Variants in CGGBP1 observed in about 807,000 individuals in gnomAD.
CGGBP1 encodes CGG triplet repeat binding protein 1.
A neutral mutation model predicts 11.4 loss-of-function variants in CGGBP1; 4 were observed. That is an observed-to-expected ratio of 0.35 (90% CI 0.17 to 0.80). CGGBP1 has a LOEUF of 0.80. CGGBP1 is among the 30% of genes least tolerant of loss of function. CGGBP1 has a pLI of 0.52. For missense variants in CGGBP1, 135 were observed against 202.1 expected (o/e 0.67, Z 2.01); for synonymous variants, 76 against 74.1 (o/e 1.03, Z -0.13).
At chr3:88,075,267 C>G (rs567519654) in intron 2 of CGGBP1, among the ~76,000 whole-genome samples, 1 of 152,346 alleles carries the variant, frequency 6.6e-6, no homozygotes, top group South Asian at 2.1e-4. Context: ...TGTAACGCTT[C>G]AAGCATAGTC....
chr3:88,057,965 C>T (rs188981463), intron 2 of CGGBP1, 54 bp downstream of exon 2: 2 of 152,322 alleles, frequency 1.3e-5, no homozygotes, highest in Non-Finnish European at 2.9e-5. Flanking sequence ...AAAAGCATAT[C>T]GTTTGCTAGA....
intron 2 of CGGBP1, among the ~76,000 whole-genome samples, chr3:88,132,006 CATT>C (rs1307094604): frequency 4.6e-5 from 7 of 152,094 alleles, no homozygotes; most frequent in Admixed American, 4.6e-4. Context: ...CCTTCACAAT[CATT>C]AATAATAATA....
At chr3:88,087,373 C>T (rs1475225619) in intron 2 of CGGBP1, among the ~76,000 whole-genome samples, 1 of 152,162 alleles carries the variant, frequency 6.6e-6, no homozygotes, top group Admixed American at 6.5e-5. Context: ...CCACACCTGG[C>T]TGAAAATCCT....
At chr3:88,119,462 T>A (rs1245644164) in intron 2 of CGGBP1, among the ~76,000 whole-genome samples, 3 of 147,872 alleles carry the variant, frequency 2.0e-5, no homozygotes, top group East Asian at 4.0e-4. Flanking sequence ...TTAGTGGGTG[T>A]GCGCACCAGC....
rs976447363 is a variant in CGGBP1, at chr3:88,053,927, G to A, written c.*1546C>T. On this transcript the variant is annotated 3_prime_UTR_variant, in exon 4 of 4. Coordinates refer to ENST00000482016, the MANE Select transcript of CGGBP1 (RefSeq NM_001008390.2). The stretch of plus-strand genomic sequence containing the variant: ...ATTTTGATAAGTGATTTATTTTGGC[G>A]GCAGGCTTATTTTTTAATGAAAACA... 17 of 152,422 alleles carry A rather than the reference G, an allele frequency of 1.1e-4. No homozygotes were observed. The highest frequency in any genetic ancestry group is 3.1e-4 in the African/African-American group (13 of 41,408). The allele number at this position is 152,422 out of a possible 1,614,324, so 9.4% of individuals were successfully genotyped here.
intron 2 of CGGBP1, chr3:88,128,996 T>A: frequency 6.5e-7 from 1 of 1,533,326 alleles, no homozygotes; most frequent in Non-Finnish European, 8.7e-7. Context: ...CTGTAGAAGA[T>A]CAGCTATTCC....
At chr3:88,139,599 A>G in intron 2 of CGGBP1, 1 of 1,613,804 alleles carries the variant, frequency 6.2e-7, no homozygotes, top group Non-Finnish European at 8.5e-7. Flanking sequence ...GGAGACACTT[A>G]CTGCTTCTAG....
At chr3:88,088,352 A>C (rs1015124866) in intron 2 of CGGBP1, among the ~76,000 whole-genome samples, 1 of 152,220 alleles carries the variant, frequency 6.6e-6, no homozygotes, top group African/African-American at 2.4e-5. Flanking sequence ...AAAGTGAAAA[A>C]TAATTTTGAA....
intron 1 of CGGBP1, chr3:88,143,452 T>A (rs1389214698): frequency 6.6e-6 from 1 of 152,332 alleles, no homozygotes; most frequent in Non-Finnish European, 1.5e-5. Context: ...ATGTAATGAT[T>A]TTTATTTTAG....
At chr3:88,071,760 T>C (rs4858988) in intron 2 of CGGBP1, among the ~76,000 whole-genome samples, 143,162 of 152,196 alleles carry the variant, frequency 0.94, 67,858 homozygotes, top group Non-Finnish European at 1. Flanking sequence ...GCTGAGATCG[T>C]ACCATTGCAC....
chr3:88,116,104 C>T (rs1489627860), intron 2 of CGGBP1, among the ~76,000 whole-genome samples: 2 of 152,098 alleles, frequency 1.3e-5, no homozygotes, highest in African/African-American at 2.4e-5. Flanking sequence ...GAGGAAATAG[C>T]AGGTGGTAGG....
At chr3:88,110,449 T>C (rs1441784791) in intron 2 of CGGBP1, among the ~76,000 whole-genome samples, 2 of 152,148 alleles carry the variant, frequency 1.3e-5, no homozygotes, top group African/African-American at 4.8e-5. Flanking sequence ...GCACTGATCA[T>C]TGAATTTCAT....
At chr3:88,116,940 A>G (rs1420391574) in intron 2 of CGGBP1, among the ~76,000 whole-genome samples, 2 of 152,198 alleles carry the variant, frequency 1.3e-5, no homozygotes, top group African/African-American at 4.8e-5. Flanking sequence ...ACTAAAGAGG[A>G]TAAATACCTC....
At chr3:88,097,597 G>A (rs1056219501) in intron 2 of CGGBP1, among the ~76,000 whole-genome samples, 3 of 152,052 alleles carry the variant, frequency 2.0e-5, no homozygotes, top group African/African-American at 7.2e-5. Context: ...ACACTCCTCA[G>A]CAAATGTAAA....
intron 2 of CGGBP1, among the ~76,000 whole-genome samples, chr3:88,102,725 G>A (rs1704498820): frequency 6.7e-6 from 1 of 150,264 alleles, no homozygotes; most frequent in African/African-American, 2.4e-5. Flanking sequence ...CTTCTAACCG[G>A]TTTTACTCAT....
chr3:88,059,422 G>T (rs1432586931), upstream of CGGBP1: 38 of 1,526,870 alleles, frequency 2.5e-5, no homozygotes, highest in Admixed American at 7.2e-4. Context: ...AGCTGCGGGC[G>T]ACGGCAGAGG....
In CGGBP1 at chr3:88,055,846, G is replaced by C; in HGVS notation, c.131C>G (p.Thr44Ser). ...LHEDGGKLFC[T>S]SCNVVLNHVR... ...ATGATTCAGAACCACATTGCAAGAAGTGCAGAAGAGTTTTCCTCCATCTTC... is the reference window on the plus strand; with the variant it reads ...ATGATTCAGAACCACATTGCAAGAACTGCAGAAGAGTTTTCCTCCATCTTC... The change falls in exon 4 of 4, where the codon ACT becomes AGT. Residue 44 changes from threonine to serine, a missense_variant. Coordinates refer to ENST00000482016, the MANE Select transcript of CGGBP1 (RefSeq NM_001008390.2). This position sits in a 1 kb window ranked among gnomAD's most constrained non-coding sequence, Gnocchi z 4.2. 6.2e-7 allele frequency: 1 copy of C among 1,614,190 alleles called. No individual in the cohort carries two copies. Among genetic ancestry groups the C allele is most frequent in the South Asian group, 1.1e-5 (1 of 91,084 alleles).
intron 2 of CGGBP1, among the ~76,000 whole-genome samples, chr3:88,124,944 G>A (rs1705998924): frequency 6.6e-6 from 1 of 151,958 alleles, no homozygotes; most frequent in Non-Finnish European, 1.5e-5. Flanking sequence ...GGCCAGACAC[G>A]GTGGCTCACG....
At chr3:88,090,603 T>C (rs764548734) in intron 2 of CGGBP1, among the ~76,000 whole-genome samples, 1 of 152,200 alleles carries the variant, frequency 6.6e-6, no homozygotes, top group Non-Finnish European at 1.5e-5. Context: ...AGCCTACATA[T>C]ACAGTGTTTA....
Sources: allele counts gnomAD v4.1 joint callset (sites outside exome capture counted in the v4.1 genomes callset), GRCh38; gene constraint gnomAD v4.1.1; non-coding constraint Gnocchi (gnomAD v3.1); transcripts MANE v1.5; gene names NCBI Gene and HGNC (gene_info 2026-07-23, HGNC 2026-07-21).